The following LINC00632 variants were observed in gnomAD, a reference collection of about 807,000 sequenced individuals.
LINC00632 encodes the protein long independently transcribed non-coding RNA 632.
chrX:140,755,051 G>A lies in LINC00632; in HGVS notation n.192-17027G>A, dbSNP rs775977884. Among the ~76,000 whole-genome samples the A allele has an allele frequency of 5.4e-5, 6 of 111,602 alleles. No homozygotes were observed. The East Asian group carries it at 1.1e-3, about 21-fold the overall frequency. ...CCAACTTCTATGGTTGACTAAAATC[G>A]GAGTCCCGGTAATGAATTTAGAACA... is the stretch of plus-strand genomic sequence containing the variant. On this transcript the variant is annotated intron_variant and non_coding_transcript_variant, in intron 3 of 4. Coordinates refer to ENST00000648200, the Ensembl canonical transcript of LINC00632.
At position 140,783,703 on chromosome X, in the gene LINC00632, C is replaced by T. The variant is rs754003235; in HGVS notation, n.11722C>T. 6.6e-6 allele frequency: 8 copies of T among 1,211,112 alleles called. No individual in the cohort carries two copies. The East Asian group carries it at 2.4e-4, about 36-fold the overall frequency. ...GTCTTCCAGAAAAATCTACGTCTTC[C>T]ACCAAATCCAGGTCTTCCAGTCAAT... is the stretch of plus-strand genomic sequence containing the variant. On this transcript the variant is annotated non_coding_transcript_exon_variant, in exon 5 of 5. Coordinates refer to ENST00000648200, the Ensembl canonical transcript of LINC00632.
intron 3 of LINC00632, among the ~76,000 whole-genome samples, chrX:140,739,437 T>C (rs2148388245): frequency 1.8e-5 from 2 of 110,635 alleles, no homozygotes; most frequent in East Asian, 5.7e-4. Flanking sequence ...GTCAGGCTAG[T>C]CTCGAATTCC....
intron 3 of LINC00632, among the ~76,000 whole-genome samples, chrX:140,758,228 C>T (rs142021352): frequency 0.039 from 4,348 of 110,434 alleles, 192 homozygotes; most frequent in African/African-American, 0.14. Flanking sequence ...TTAAAATTAT[C>T]AATTATTTTA....
At chrX:140,742,480 C>T (rs920924563) in intron 3 of LINC00632, among the ~76,000 whole-genome samples, 6 of 111,119 alleles carry the variant, frequency 5.4e-5, no homozygotes, top group African/African-American at 2.0e-4. Flanking sequence ...CCAGGGTACT[C>T]AAAAGCGGAC....
chrX:140,778,232 T>G (rs1392483737), exon 5 of LINC00632, among the ~76,000 whole-genome samples: 1 of 112,808 alleles, frequency 8.9e-6, no homozygotes, highest in Non-Finnish European at 1.9e-5. Context: ...TTGCTTCTTC[T>G]TAGTCACATC....
At chrX:140,725,407 G>A (rs764821091) in intron 2 of LINC00632, among the ~76,000 whole-genome samples, 22 of 16,043 alleles carry the variant, frequency 1.4e-3, no homozygotes, top group African/African-American at 4.7e-3. Flanking sequence ...ATACACTTAC[G>A]CAGACACATT....
At chrX:140,713,595 A>T in intron 2 of LINC00632, 1 of 342,890 alleles carries the variant, frequency 2.9e-6, no homozygotes, top group South Asian at 2.6e-5. Flanking sequence ...CACTGACCAG[A>T]TAACACAAAC....
intron 3 of LINC00632, among the ~76,000 whole-genome samples, chrX:140,735,786 G>A (rs1400345298): frequency 9.0e-6 from 1 of 110,768 alleles, no homozygotes; most frequent in Non-Finnish European, 1.9e-5. Flanking sequence ...GGCTGGTCTC[G>A]ATCTCCCAAC....
intron 2 of LINC00632, among the ~76,000 whole-genome samples, chrX:140,726,525 GA>G (rs1380724293): frequency 9.0e-6 from 1 of 111,713 alleles, no homozygotes; most frequent in Non-Finnish European, 1.9e-5. Flanking sequence ...CCCTCACTTA[GA>G]ATAAATTCAC....
At chrX:140,717,119 G>A (rs1448169339) in intron 2 of LINC00632, among the ~76,000 whole-genome samples, 1 of 109,942 alleles carries the variant, frequency 9.1e-6, no homozygotes, top group Non-Finnish European at 1.9e-5. Flanking sequence ...CGAGTAGCTG[G>A]GAATACAGGC....
At chrX:140,749,099 C>T (rs1428413354) in intron 3 of LINC00632, among the ~76,000 whole-genome samples, 1 of 109,740 alleles carries the variant, frequency 9.1e-6, no homozygotes, top group Non-Finnish European at 1.9e-5. Flanking sequence ...AATTTGCAGA[C>T]ATGTTTTGAT....
intron 3 of LINC00632, among the ~76,000 whole-genome samples, chrX:140,763,271 C>A (rs889712711): frequency 9.2e-6 from 1 of 108,966 alleles, no homozygotes. Flanking sequence ...GGCATAGTGG[C>A]GGGTGCCTGT....
intron 2 of LINC00632, among the ~76,000 whole-genome samples, chrX:140,727,586 C>A (rs1016078173): frequency 3.6e-5 from 4 of 111,600 alleles, no homozygotes; most frequent in Non-Finnish European, 7.5e-5. Flanking sequence ...AGCCACCACG[C>A]CCGACCGTGA....
At chrX:140,758,472 C>G (rs1011244968) in intron 3 of LINC00632, among the ~76,000 whole-genome samples, 35 of 105,516 alleles carry the variant, frequency 3.3e-4, no homozygotes, top group Non-Finnish European at 6.0e-4. Flanking sequence ...CTCCCAGGTT[C>G]AAGTGATTCT....
intron 2 of LINC00632, among the ~76,000 whole-genome samples, chrX:140,728,334 A>G (rs181459931): frequency 9.0e-6 from 1 of 111,396 alleles, no homozygotes; most frequent in Admixed American, 9.5e-5. Flanking sequence ...CAGAGGACAC[A>G]TGTACCCTAT....
At chrX:140,731,200 C>T (rs1278490601) in intron 2 of LINC00632, among the ~76,000 whole-genome samples, 1 of 112,205 alleles carries the variant, frequency 8.9e-6, no homozygotes, top group East Asian at 2.8e-4. Context: ...CACGCCCAGC[C>T]AACTTCATTT....
intron 2 of LINC00632, among the ~76,000 whole-genome samples, chrX:140,724,639 C>T (rs760164767): frequency 1.7e-4 from 16 of 93,847 alleles, no homozygotes; most frequent in Non-Finnish European, 3.0e-4. Context: ...TGTACACACA[C>T]TTCCATACAC....
intron 3 of LINC00632, among the ~76,000 whole-genome samples, chrX:140,770,010 C>A (rs1008577529): frequency 4.5e-5 from 5 of 111,614 alleles, no homozygotes; most frequent in African/African-American, 1.6e-4. Flanking sequence ...GTGAAATATC[C>A]TAAGTGCTGT....
chrX:140,729,822 G>A (rs2054792061), intron 2 of LINC00632, among the ~76,000 whole-genome samples: 1 of 108,994 alleles, frequency 9.2e-6, no homozygotes, highest in Non-Finnish European at 1.9e-5. Flanking sequence ...AGAAATATAC[G>A]ACAATCCACA....
Sources: gnomAD v4.1 joint callset for allele counts (sites outside exome capture counted in the v4.1 genomes callset) on GRCh38, gnomAD v4.1.1 for gene constraint, MANE v1.5 for transcripts, NCBI Gene and HGNC (gene_info 2026-07-23, HGNC 2026-07-21) for gene names.